The following CADPS variants were observed in gnomAD, a reference collection of about 807,000 sequenced individuals.
CADPS encodes calcium-dependent secretion activator 1.
In CADPS, 57 loss-of-function variants were observed where a neutral mutation model predicts 167.3. That is an observed-to-expected ratio of 0.34 (90% confidence interval 0.28 to 0.42). The LOEUF is 0.42. Ranked by LOEUF, CADPS falls within the 20% of genes least tolerant of loss-of-function variation. The pLI is 1.00. For missense variants in CADPS, 1,414 were observed against 1,738.1 expected (o/e 0.81, Z 3.32); for synonymous variants, 676 against 635.3 (o/e 1.06, Z -0.96).
At chr3:62,532,772 G>A in intron 13 of CADPS, 99 bp downstream of exon 13, 1 of 983,492 alleles carries the variant, frequency 1.0e-6, no homozygotes, top group Non-Finnish European at 1.5e-6. Flanking sequence ...TACCACCGAA[G>A]GAATGAAGAC....
chr3:62,558,168 A>C (rs1163747156), intron 9 of CADPS, among the ~76,000 whole-genome samples: 1 of 152,208 alleles, frequency 6.6e-6, no homozygotes, highest in East Asian at 1.9e-4. Context: ...TGCTGTCACA[A>C]GCAATGAGCG....
At chr3:62,643,064 C>T (rs911056935) in intron 6 of CADPS, among the ~76,000 whole-genome samples, 2 of 151,922 alleles carry the variant, frequency 1.3e-5, no homozygotes, top group African/African-American at 4.8e-5. Flanking sequence ...GTATTGAGTA[C>T]AGAATTGTGG....
chr3:62,705,746 T>C (rs34893401), intron 3 of CADPS, among the ~76,000 whole-genome samples: 12,050 of 152,164 alleles, frequency 0.079, 620 homozygotes, highest in Non-Finnish European at 0.12. Flanking sequence ...AGATGGCCTA[T>C]TGTGGGACCT....
At chr3:62,679,625 G>A (rs1215900456) in intron 3 of CADPS, among the ~76,000 whole-genome samples, 2 of 152,006 alleles carry the variant, frequency 1.3e-5, no homozygotes, top group African/African-American at 4.8e-5. Flanking sequence ...AACTGGAGAG[G>A]AGATTGCACT....
chr3:62,552,211 C>G (rs996648154), intron 10 of CADPS, among the ~76,000 whole-genome samples: 3 of 123,326 alleles, frequency 2.4e-5, no homozygotes, highest in African/African-American at 6.6e-5. Flanking sequence ...GGGAACATCA[C>G]ACACCGGGAC....
intron 22 of CADPS, among the ~76,000 whole-genome samples, chr3:62,480,728 C>A (rs533663454): frequency 6.6e-6 from 1 of 152,202 alleles, no homozygotes; most frequent in East Asian, 1.9e-4. Context: ...TTTATTCTTT[C>A]AAGAAAAAGC....
At chr3:62,589,369 G>A (rs1347034606) in intron 7 of CADPS, among the ~76,000 whole-genome samples, 1 of 152,224 alleles carries the variant, frequency 6.6e-6, no homozygotes, top group African/African-American at 2.4e-5. Context: ...ACAAAGGAGG[G>A]GTAAACTAGC....
At chr3:62,633,276 C>T (rs1001363620) in intron 6 of CADPS, among the ~76,000 whole-genome samples, 1 of 152,190 alleles carries the variant, frequency 6.6e-6, no homozygotes, top group Non-Finnish European at 1.5e-5. Context: ...CCCTGTCTTA[C>T]ATGATGACAG....
chr3:62,553,263 AAGT>A (rs2077597106), intron 10 of CADPS, among the ~76,000 whole-genome samples: 1 of 152,154 alleles, frequency 6.6e-6, no homozygotes, highest in South Asian at 2.1e-4. Flanking sequence ...TACTTTGGGG[AAGT>A]GGACAGCCCT....
At position 62,874,006 on chromosome 3, in the gene CADPS, T is replaced by C. The variant is rs2083156305; in HGVS notation, c.441+583A>G. On this transcript the variant is annotated intron_variant, in intron 1 of 29. Coordinates refer to ENST00000383710, the MANE Select transcript of CADPS (RefSeq NM_003716.4). This position sits in a 1 kb window ranked among gnomAD's most constrained non-coding sequence, Gnocchi z 7.1. Reference sequence around the variant, plus strand: ...CCCGGGCAGGGAGAGGAGGGTGCCCTTCGCAGAGTCACGGGAAGCTTCGCC... The same window carrying C: ...CCCGGGCAGGGAGAGGAGGGTGCCCCTCGCAGAGTCACGGGAAGCTTCGCC... Among the ~76,000 whole-genome samples the C allele has an allele frequency of 6.6e-6, 1 of 152,182 alleles. No individual in the cohort carries two copies. Among genetic ancestry groups the C allele is most frequent in the African/African-American group, 2.4e-5 (1 of 41,456 alleles).
At chr3:62,773,729 A>T (rs973830167) in intron 1 of CADPS, among the ~76,000 whole-genome samples, 4 of 151,670 alleles carry the variant, frequency 2.6e-5, no homozygotes, top group African/African-American at 9.7e-5. Flanking sequence ...GATATGTTCT[A>T]TCCTCTTGCA....
chr3:62,827,711 A>C (rs745464501), intron 1 of CADPS, among the ~76,000 whole-genome samples: 3 of 152,178 alleles, frequency 2.0e-5, no homozygotes, highest in Non-Finnish European at 4.4e-5. Context: ...AGAAGCCCTT[A>C]ATGAATCAAA....
intron 9 of CADPS, among the ~76,000 whole-genome samples, chr3:62,557,942 G>A (rs992945205): frequency 6.6e-6 from 1 of 152,206 alleles, no homozygotes; most frequent in Non-Finnish European, 1.5e-5. Flanking sequence ...TGTGGCCTTG[G>A]CTGAGACTGC....
At chr3:62,669,015 C>T (rs942301766) in intron 3 of CADPS, among the ~76,000 whole-genome samples, 6 of 152,206 alleles carry the variant, frequency 3.9e-5, no homozygotes, top group African/African-American at 1.2e-4. Flanking sequence ...TCGGTAAAGA[C>T]TGAACTTTGC....
chr3:62,425,328 C>G (rs1205154332), intron 28 of CADPS, among the ~76,000 whole-genome samples: 1 of 152,150 alleles, frequency 6.6e-6, no homozygotes, highest in Admixed American at 6.5e-5. Context: ...CAGTAGCACC[C>G]TCCCGCCACC....
At chr3:62,574,986 A>C (rs1471829777) in intron 8 of CADPS, among the ~76,000 whole-genome samples, 2 of 152,246 alleles carry the variant, frequency 1.3e-5, no homozygotes, top group Admixed American at 6.5e-5. Context: ...TTCAAAGATC[A>C]AATTCAGGAA....
chr3:62,504,662 T>A (rs2066327883), intron 17 of CADPS, among the ~76,000 whole-genome samples: 1 of 151,526 alleles, frequency 6.6e-6, no homozygotes, highest in Non-Finnish European at 1.5e-5. Context: ...AAGCTCCCTA[T>A]TTTTTTTTCC....
At chr3:62,627,656 T>C (rs1397463350) in intron 6 of CADPS, among the ~76,000 whole-genome samples, 1 of 152,086 alleles carries the variant, frequency 6.6e-6, no homozygotes, top group Non-Finnish European at 1.5e-5. Flanking sequence ...AAAATGTATA[T>C]ATCCACATTA....
intron 26 of CADPS, among the ~76,000 whole-genome samples, chr3:62,456,190 A>AC (rs1475212549): frequency 6.6e-6 from 1 of 152,168 alleles, no homozygotes; most frequent in Non-Finnish European, 1.5e-5. Context: ...AAGTATCAGT[A>AC]CTTCCCAGAC....
Sources: gnomAD v4.1 joint callset for allele counts (sites outside exome capture counted in the v4.1 genomes callset) on GRCh38, gnomAD v4.1.1 for gene constraint, Gnocchi (gnomAD v3.1) non-coding constraint, MANE v1.5 for transcripts, NCBI Gene and HGNC (gene_info 2026-07-23, HGNC 2026-07-21) for gene names.